PKIB: variants seen among roughly 807,000 people sequenced by gnomAD.
PKIB encodes the protein cAMP-dependent protein kinase inhibitor beta, also known as PKI-beta.
PKIB carries 2 observed loss-of-function variants against 4.5 expected under a neutral mutation model. The observed-to-expected ratio is 0.44, with a 90% CI of 0.18 to 1.39. The LOEUF (loss-of-function observed/expected upper bound fraction) is 1.39, where lower values mean the gene tolerates loss of function less well. Among genes scored for constraint, PKIB ranks in the 40% most tolerant of loss-of-function variants. The pLI, the probability that PKIB is intolerant of heterozygous loss-of-function variation, is 0.27. For synonymous variants in PKIB, 38 were observed against 36.0 expected (o/e 1.06, Z -0.20); for missense variants, 94 against 92.6 (o/e 1.02, Z -0.06).
chr6:122,500,084 G>A, intron 2 of PKIB, among the ~76,000 whole-genome samples: 1 of 152,178 alleles, frequency 6.6e-6, no homozygotes. Flanking sequence ...ACATGCCCAT[G>A]GATTGGAAGA....
intron 3 of PKIB, among the ~76,000 whole-genome samples, chr6:122,711,221 G>A (rs915949896): frequency 6.6e-6 from 1 of 152,058 alleles, no homozygotes; most frequent in African/African-American, 2.4e-5. Flanking sequence ...TTAATTTTTA[G>A]AAAGACTTTT....
chr6:122,530,712 ACTCT>A, intron 2 of PKIB, among the ~76,000 whole-genome samples: 1 of 152,114 alleles, frequency 6.6e-6, no homozygotes, highest in Middle Eastern at 3.4e-3. Context: ...CAGCTTCTAA[ACTCT>A]CCCAGTCAGG....
At chr6:122,483,048 G>A (rs1397660955) in intron 2 of PKIB, 1 of 150,880 alleles carries the variant, frequency 6.6e-6, no homozygotes, top group Non-Finnish European at 1.5e-5. Flanking sequence ...CAGCCTGCTT[G>A]TCTTAATCAT....
At chr6:122,571,319 G>A (rs1045775212) in intron 2 of PKIB, among the ~76,000 whole-genome samples, 1 of 152,110 alleles carries the variant, frequency 6.6e-6, no homozygotes, top group African/African-American at 2.4e-5. Context: ...AGAGTTTGGA[G>A]AACTTATTTT....
intron 3 of PKIB, among the ~76,000 whole-genome samples, chr6:122,598,530 A>G (rs1774247064): frequency 6.6e-6 from 1 of 152,188 alleles, no homozygotes; most frequent in African/African-American, 2.4e-5. Flanking sequence ...TGACATACAG[A>G]GAAGAACAAT....
chr6:122,491,108 G>A (rs1775923187), intron 2 of PKIB, among the ~76,000 whole-genome samples: 1 of 152,204 alleles, frequency 6.6e-6, no homozygotes, highest in African/African-American at 2.4e-5. Context: ...ACACTAGGAA[G>A]AGGCCCAAGC....
chr6:122,556,946 G>T (rs995913852), intron 2 of PKIB, among the ~76,000 whole-genome samples: 1 of 152,220 alleles, frequency 6.6e-6, no homozygotes, highest in Non-Finnish European at 1.5e-5. Context: ...GGGCGTGGTG[G>T]CTTACGCCTG....
At position 122,543,331 on chromosome 6, in the gene PKIB, C is replaced by T. The variant is rs147658464; in HGVS notation, c.-247-42590C>T. ...ACTGTAGACAGGAGCTGTTCCTATTCGGCCATCTTGGCCCCACCCCCTCCT... is the reference window on the plus strand; with the variant it reads ...ACTGTAGACAGGAGCTGTTCCTATTTGGCCATCTTGGCCCCACCCCCTCCT... On this transcript the variant is annotated intron_variant, in intron 2 of 6. Coordinates refer to the PKIB transcript ENST00000392491. Among the ~76,000 whole-genome samples the T allele has an allele frequency of 3.8e-3, 569 of 150,636 alleles. 13 individuals carry two copies. The highest frequency in any genetic ancestry group is 0.012 in the African/African-American group (510 of 40,940).
chr6:122,565,733 G>A (rs1773170521), intron 2 of PKIB, among the ~76,000 whole-genome samples: 1 of 152,266 alleles, frequency 6.6e-6, no homozygotes, highest in Admixed American at 6.5e-5. Context: ...AGATTTTCCA[G>A]TAACAACAAC....
At chr6:122,596,703 G>A (rs1318033128) in intron 3 of PKIB, among the ~76,000 whole-genome samples, 1 of 152,016 alleles carries the variant, frequency 6.6e-6, no homozygotes, top group Non-Finnish European at 1.5e-5. Flanking sequence ...AATCCTGGAG[G>A]CCTTCACTGT....
At chr6:122,515,589 A>G (rs921393388) in intron 2 of PKIB, among the ~76,000 whole-genome samples, 1 of 152,234 alleles carries the variant, frequency 6.6e-6, no homozygotes, top group Non-Finnish European at 1.5e-5. Context: ...AAGAACAGAT[A>G]AGACAGATTA....
intron 2 of PKIB, among the ~76,000 whole-genome samples, chr6:122,568,710 G>C (rs1258445005): frequency 6.6e-6 from 1 of 152,150 alleles, no homozygotes; most frequent in Non-Finnish European, 1.5e-5. Context: ...TCTTGAGTAG[G>C]AACAAACTCC....
intron 2 of PKIB, among the ~76,000 whole-genome samples, chr6:122,665,959 C>T (rs1468401383): frequency 1.3e-5 from 2 of 152,154 alleles, no homozygotes; most frequent in Non-Finnish European, 2.9e-5. Context: ...TTAGGAATTA[C>T]ACTAAGTACT....
intron 3 of PKIB, among the ~76,000 whole-genome samples, chr6:122,600,874 T>C (rs1246863829): frequency 1.3e-5 from 2 of 151,998 alleles, no homozygotes; most frequent in African/African-American, 4.8e-5. Context: ...TTGACACAGA[T>C]AATAGAATTA....
At chr6:122,568,368 C>G (rs762007976) in intron 2 of PKIB, among the ~76,000 whole-genome samples, 15 of 152,148 alleles carry the variant, frequency 9.9e-5, no homozygotes, top group African/African-American at 1.4e-4. Flanking sequence ...GAAGCCTACT[C>G]CATGAGACAG....
intron 3 of PKIB, among the ~76,000 whole-genome samples, chr6:122,716,787 A>G (rs918662764): frequency 1.3e-5 from 2 of 152,172 alleles, no homozygotes; most frequent in African/African-American, 4.8e-5. Flanking sequence ...TTTAGGTATC[A>G]CAAATGAGCA....
intron 3 of PKIB, among the ~76,000 whole-genome samples, chr6:122,709,612 A>G (rs1187844434): frequency 6.6e-6 from 1 of 152,148 alleles, no homozygotes; most frequent in African/African-American, 2.4e-5. Flanking sequence ...CAGTTTCAGA[A>G]GTGGAATAAA....
rs144259747 is a variant in PKIB, at chr6:122,569,013, CT to C, written c.-247-16905del. ...ACTGCTGCCTGATACTCTCCACTCC[CT>C]TTGCAAACTCTTCTGTGCACCAAAG... On this transcript the variant is annotated intron_variant, in intron 2 of 6. Coordinates refer to the PKIB transcript ENST00000392491. Among the ~76,000 whole-genome samples the C allele has an allele frequency of 2.7e-3, 411 of 152,222 alleles. 4 individuals carry two copies. The highest frequency in any genetic ancestry group is 9.3e-3 in the African/African-American group (388 of 41,538).
intron 2 of PKIB, among the ~76,000 whole-genome samples, chr6:122,563,969 A>T (rs557213589): frequency 6.6e-6 from 1 of 152,256 alleles, no homozygotes; most frequent in Non-Finnish European, 1.5e-5. Context: ...TCTGGCAAGG[A>T]GGCTTCTCAT....
Sources: gnomAD v4.1 joint callset for allele counts (sites outside exome capture counted in the v4.1 genomes callset) on GRCh38, gnomAD v4.1.1 for gene constraint, MANE v1.5 for transcripts, NCBI Gene and HGNC (gene_info 2026-07-23, HGNC 2026-07-21) for gene names.